The following POLD1 variants were observed in gnomAD, a reference collection of about 807,000 sequenced individuals.
The protein encoded by POLD1 is DNA polymerase delta 1, catalytic subunit.
POLD1 carries 79 observed loss-of-function variants against 129.7 expected under a neutral mutation model. That is an observed-to-expected ratio of 0.61 (90% CI 0.51 to 0.73). The LOEUF is 0.73. Among genes scored for constraint, POLD1 ranks in the 30% least tolerant of loss-of-function variants. The pLI is 0.00. For missense variants in POLD1, 1,338 were observed against 1,595.8 expected (o/e 0.84, Z 2.75); for synonymous variants, 714 against 683.3 (o/e 1.04, Z -0.70).
At position 50,406,538 on chromosome 19, in the gene POLD1, C is replaced by T. The variant is rs1027707376; in HGVS notation, c.1494+21C>T. 1.3e-6 allele frequency: 2 copies of T among 1,526,022 alleles called. No individual in the cohort carries two copies. Among genetic ancestry groups the T allele is most frequent in the African/African-American group, 1.4e-5 (1 of 72,828 alleles). The allele number at this position is 1,526,022 out of a possible 1,614,324, so 94.5% of individuals were successfully genotyped here. Reference sequence around the variant, plus strand: ...TGCAGGTGCCTGCTGCCTCCCTGACCTCTCACCCCAACCTCTGACCTCCAC... The same window carrying T: ...TGCAGGTGCCTGCTGCCTCCCTGACTTCTCACCCCAACCTCTGACCTCCAC... On this transcript the variant is annotated intron_variant, in intron 12 of 26. Coordinates refer to ENST00000440232, the MANE Select transcript of POLD1 (RefSeq NM_002691.4). The surrounding 1 kb of genome is among the most constrained non-coding windows in gnomAD (Gnocchi z 5.5).
chr19:50,404,364 G>A (rs917636979), intron 10 of POLD1, among the ~76,000 whole-genome samples: 2 of 148,860 alleles, frequency 1.3e-5, no homozygotes, highest in African/African-American at 5.1e-5. Context: ...CCAGGTTCAT[G>A]CCATTCTCCT....
At position 50,416,571 on chromosome 19, in the gene POLD1, A is replaced by G. The variant is rs3218760; in HGVS notation, c.2954-39A>G. 167,641 of 1,547,024 alleles carry G rather than the reference A, an allele frequency of 0.11. 18,045 individuals are homozygous for G. Among genetic ancestry groups the G allele is most frequent in the African/African-American group, 0.53 (38,786 of 73,302 alleles). ...GACTGGGGGCACCCTGGGGGGGCAG[A>G]GGAGATCACCGGCCCACCACCTGCC... On this transcript the variant is annotated intron_variant, in intron 23 of 26. Coordinates refer to ENST00000440232, the MANE Select transcript of POLD1 (RefSeq NM_002691.4).
rs1601238463 is a variant in POLD1 at position 50,413,739 on chromosome 19, C to T, written c.2251-3C>T. The T allele has an allele frequency of 1.3e-6, 2 of 1,597,116 alleles. No individual in the cohort carries two copies. Among genetic ancestry groups the T allele is most frequent in the African/African-American group, 1.3e-5 (1 of 74,704 alleles). Reference sequence around the variant, plus strand: ...CACATACACACATCCCCACCGCCCGCAGGTGGTGTATGGTGACACTGACTC... The same window carrying T: ...CACATACACACATCCCCACCGCCCGTAGGTGGTGTATGGTGACACTGACTC... On this transcript the variant is annotated splice_polypyrimidine_tract_variant and splice_region_variant and intron_variant, in intron 18 of 26. Transcript: ENST00000440232.
In POLD1 at chr19:50,409,337, C is replaced by G. The variant is rs1051549736; in HGVS notation, c.2006+102C>G. On this transcript the variant is annotated intron_variant, in intron 16 of 26. Coordinates refer to ENST00000440232, the MANE Select transcript of POLD1 (RefSeq NM_002691.4). The surrounding 1 kb of genome is among the most constrained non-coding windows in gnomAD (Gnocchi z 5.8). ...CCCCAGGGCTGCCCAGCCACCCTGC[C>G]CTCAGCTGTGCGTGAATTAGCACAA... 7 of 1,217,570 alleles carry G rather than the reference C, an allele frequency of 5.7e-6. No homozygotes were observed. In the Admixed American group the frequency reaches 1.3e-4, roughly 23 times the overall value. The allele number at this position is 1,217,570 out of a possible 1,614,324, so 75.4% of individuals were successfully genotyped here.
intron 10 of POLD1, among the ~76,000 whole-genome samples, chr19:50,405,046 T>G (rs1247776257): frequency 6.6e-6 from 1 of 152,148 alleles, no homozygotes; most frequent in Non-Finnish European, 1.5e-5. Flanking sequence ...ATTACAGGCG[T>G]GAGCCACCGC....
intron 1 of POLD1, among the ~76,000 whole-genome samples, chr19:50,398,401 G>A (rs1356106829): frequency 1.3e-5 from 2 of 151,782 alleles, no homozygotes; most frequent in East Asian, 1.9e-4. Context: ...GCAAAACCCC[G>A]TCTCTACTCA....
rs201933770 is a variant in POLD1 at position 50,417,078 on chromosome 19, C to G, written c.3101C>G (p.Ser1034Cys). ...TGTGAGTTCTGCCAGCCCCGGGAGTCTGAGCTGTATCAGAAGGAGGTGAGA... is the reference window on the plus strand; with the variant it reads ...TGTGAGTTCTGCCAGCCCCGGGAGTGTGAGCTGTATCAGAAGGAGGTGAGA... ...AVCEFCQPRESELYQKEVSHL... is the reference protein window; with the variant it reads ...AVCEFCQPRECELYQKEVSHL... The change falls in exon 25 of 27, where the codon TCT (serine) becomes TGT (cysteine). Residue 1034 changes from serine to cysteine, a missense_variant. Ser to Cys is a moderately radical substitution (Grantham distance 112, BLOSUM62 -1). Coordinates refer to ENST00000440232, the MANE Select transcript of POLD1 (RefSeq NM_002691.4). 1 of 1,555,514 alleles carries G rather than the reference C, an allele frequency of 6.4e-7. No homozygotes were observed. The highest frequency in any genetic ancestry group is 1.4e-5 in the African/African-American group (1 of 73,452).
chr19:50,401,670 G>C, intron 3 of POLD1, 108 bp from the exon 4 acceptor site: 1 of 1,222,238 alleles, frequency 8.2e-7, no homozygotes, highest in Non-Finnish European at 1.2e-6. Context: ...AACGGTACAG[G>C]GGCAGGAGTG....
At chr19:50,386,176 G>A (rs2037965267) in intron 1 of POLD1, among the ~76,000 whole-genome samples, 1 of 151,578 alleles carries the variant, frequency 6.6e-6, no homozygotes. Context: ...GTCTTGCTCT[G>A]TCGCCCAGGC....
chr19:50,413,153 G>A (rs941867778), intron 17 of POLD1, among the ~76,000 whole-genome samples: 4 of 152,178 alleles, frequency 2.6e-5, no homozygotes, highest in African/African-American at 7.2e-5. Context: ...TCTTCAGGCC[G>A]CAGTCTTTCC....
At chr19:50,397,607 G>T (rs2038417047) in intron 1 of POLD1, among the ~76,000 whole-genome samples, 1 of 151,972 alleles carries the variant, frequency 6.6e-6, no homozygotes, top group Admixed American at 6.6e-5. Flanking sequence ...GTTTCACCAT[G>T]TTGGTCAGGC....
In POLD1 at chr19:50,408,915, T is replaced by C. The variant is rs752346193; in HGVS notation, c.1892+14T>C. On this transcript the variant is annotated intron_variant, in intron 15 of 26. Transcript: ENST00000440232. Reference sequence around the variant, plus strand: ...ACAGAAACTGGGGTATAGTGCCCAATTCAGCATGTGTCCCCCGAGGCCCAT... The same window carrying C: ...ACAGAAACTGGGGTATAGTGCCCAACTCAGCATGTGTCCCCCGAGGCCCAT... 1.2e-6 allele frequency: 2 copies of C among 1,602,188 alleles called. No homozygotes were observed. The highest frequency in any genetic ancestry group is 1.7e-5 in the Admixed American group (1 of 58,830).
intron 1 of POLD1, among the ~76,000 whole-genome samples, chr19:50,385,048 G>A (rs1412469066): frequency 6.6e-6 from 1 of 152,166 alleles, no homozygotes; most frequent in Non-Finnish European, 1.5e-5. Context: ...ATCCTATAGG[G>A]CCTTGTAAAA....
intron 1 of POLD1, among the ~76,000 whole-genome samples, chr19:50,394,641 G>A (rs2038281682): frequency 6.6e-6 from 1 of 151,946 alleles, no homozygotes; most frequent in African/African-American, 2.4e-5. Flanking sequence ...GTGACCGAGT[G>A]AGACTCCGTC....
chr19:50,417,686 CCCCCGT>C (rs1385788901), intron 26 of POLD1, among the ~76,000 whole-genome samples, 150 bp from the exon 27 acceptor site: 9 of 139,174 alleles, frequency 6.5e-5, no homozygotes, highest in African/African-American at 2.6e-4. Flanking sequence ...CCCCCCACCC[CCCCCGT>C]GCCTGCTGAG....
At chr19:50,394,422 C>T (rs2038272385) in intron 1 of POLD1, among the ~76,000 whole-genome samples, 1 of 152,168 alleles carries the variant, frequency 6.6e-6, no homozygotes, top group East Asian at 1.9e-4. Context: ...GAGGCCGAGG[C>T]GGGCGGATCA....
chr19:50,405,259 C>T (rs1448362759), intron 10 of POLD1, among the ~76,000 whole-genome samples: 1 of 152,168 alleles, frequency 6.6e-6, no homozygotes, highest in Non-Finnish European at 1.5e-5. Flanking sequence ...AGGGCCCACC[C>T]CAGTGACCTC....
chr19:50,386,586 G>A lies in POLD1; in HGVS notation c.-2+2196G>A, dbSNP rs558483825. ...TGCAATAACGAAAGTGGCACAAGGC[G>A]TTGTGGGAACCCTGAAGGGCAGCTG... On this transcript the variant is annotated intron_variant, in intron 1 of 26. Transcript: ENST00000440232. Among the ~76,000 whole-genome samples the A allele has an allele frequency of 7.3e-4, 112 of 152,392 alleles. No homozygotes were observed. The South Asian group carries it at 0.02, about 28-fold the overall frequency.
At chr19:50,416,217 C>T in intron 22 of POLD1, 179 bp from the exon 23 acceptor site, 2 of 629,454 alleles carry the variant, frequency 3.2e-6, no homozygotes, top group Non-Finnish European at 5.5e-6. Context: ...ACCTGAGAGC[C>T]CTACAGACTC....
Sources: allele counts gnomAD v4.1 joint callset (sites outside exome capture counted in the v4.1 genomes callset), GRCh38; gene constraint gnomAD v4.1.1; non-coding constraint Gnocchi (gnomAD v3.1); transcripts MANE v1.5; gene names NCBI Gene and HGNC (gene_info 2026-07-23, HGNC 2026-07-21).